Variants in PTPN21 observed in about 807,000 individuals in gnomAD.
PTPN21 encodes the protein tyrosine-protein phosphatase non-receptor type 21.
A neutral mutation model predicts 131.8 loss-of-function variants in PTPN21; 77 were observed. The ratio of observed to expected loss-of-function variants is 0.58; its 90% CI spans 0.49 to 0.71. The LOEUF (loss-of-function observed/expected upper bound fraction) is 0.71. Among genes scored for constraint, PTPN21 ranks in the 30% least tolerant of loss-of-function variants. The pLI is 0.00. For missense variants in PTPN21, 1,552 were observed against 1,527.1 expected, an observed-to-expected ratio of 1.02 and a Z score of -0.27; for synonymous variants, 715 against 621.3, an observed-to-expected ratio of 1.15 and a Z score of -2.24.
chr14:88,504,393 T>C, intron 6 of PTPN21, 32 bp downstream of exon 6: 1 of 1,426,642 alleles, frequency 7.0e-7, no homozygotes. Context: ...ATTGGTTCTA[T>C]GCTATTTCCA....
chr14:88,485,429 T>C (rs558460002), intron 11 of PTPN21, among the ~76,000 whole-genome samples: 1 of 152,174 alleles, frequency 6.6e-6, no homozygotes, highest in South Asian at 2.1e-4. Flanking sequence ...CAAGAAGCAA[T>C]AGATACACAT....
At chr14:88,527,048 C>T (rs1458319455) in intron 2 of PTPN21, among the ~76,000 whole-genome samples, 1 of 152,092 alleles carries the variant, frequency 6.6e-6, no homozygotes, top group Admixed American at 6.6e-5. Flanking sequence ...CCCTTATCCA[C>T]TAGTTGGTTG....
intron 2 of PTPN21, among the ~76,000 whole-genome samples, chr14:88,549,921 C>T (rs1343441386): frequency 6.6e-6 from 1 of 151,824 alleles, no homozygotes; most frequent in Non-Finnish European, 1.5e-5. Flanking sequence ...CGCCACCACA[C>T]CCTACAGGCG....
chr14:88,502,004 T>G (rs1465279780), intron 6 of PTPN21, among the ~76,000 whole-genome samples: 1 of 151,626 alleles, frequency 6.6e-6, no homozygotes, highest in African/African-American at 2.4e-5. Flanking sequence ...AACAACAAAA[T>G]ATGAGGCATT....
In PTPN21 at chr14:88,467,797, T is replaced by C. The variant is rs187995500; in HGVS notation, c.*340A>G. 3 of 237,898 alleles carry C rather than the reference T, an allele frequency of 1.3e-5. No individual in the cohort carries two copies. In the Admixed American group the frequency reaches 1.7e-4, roughly 14 times the overall value. 14.7% of individuals were successfully genotyped at this position (237,898 alleles called of 1,614,324 possible). Reference sequence around the variant, plus strand: ...TAAGATAGAAATCTATGCACTTTAATGATTGCCAGAATTGCCCAGCATAGC... The same window carrying C: ...TAAGATAGAAATCTATGCACTTTAACGATTGCCAGAATTGCCCAGCATAGC... On this transcript the variant is annotated 3_prime_UTR_variant, in exon 19 of 19. Transcript: ENST00000556564.
At chr14:88,541,216 TAC>T (rs1262117203) in intron 2 of PTPN21, among the ~76,000 whole-genome samples, 5 of 152,188 alleles carry the variant, frequency 3.3e-5, no homozygotes, top group Non-Finnish European at 7.4e-5. Context: ...ATTTGTGACA[TAC>T]ACAGTTTCTT....
chr14:88,476,324 A>C (rs1216424076), intron 13 of PTPN21, among the ~76,000 whole-genome samples: 1 of 152,182 alleles, frequency 6.6e-6, no homozygotes, highest in Non-Finnish European at 1.5e-5. Context: ...CCTCACAGTA[A>C]TGTTAATATT....
rs2077373467 is a variant in PTPN21 at position 88,466,931 on chromosome 14, A to G, written c.*1206T>C. On this transcript the variant is annotated 3_prime_UTR_variant, in exon 19 of 19. Coordinates refer to ENST00000556564, the MANE Select transcript of PTPN21 (RefSeq NM_007039.4). ...CCTCTTTAAGGCTTCTTTTAATGATACTATAATGCTGAATTTATTTATGAA... is the reference window on the plus strand; with the variant it reads ...CCTCTTTAAGGCTTCTTTTAATGATGCTATAATGCTGAATTTATTTATGAA... 1 of 152,138 alleles carries G rather than the reference A, an allele frequency of 6.6e-6. No individual in the cohort carries two copies. Among genetic ancestry groups the G allele is most frequent in the Non-Finnish European group, 1.5e-5 (1 of 68,030 alleles). 9.4% of individuals were successfully genotyped at this position (152,138 alleles called of 1,614,324 possible).
At chr14:88,475,630 TAAC>T (rs2077538060) in intron 13 of PTPN21, among the ~76,000 whole-genome samples, 1 of 152,238 alleles carries the variant, frequency 6.6e-6, no homozygotes, top group Non-Finnish European at 1.5e-5. Context: ...TGGTAATATT[TAAC>T]AACAGGCTCT....
rs537125520 is a variant in PTPN21, at chr14:88,474,292, A to G, written c.2512-490T>C. On this transcript the variant is annotated intron_variant, in intron 13 of 18. Transcript: ENST00000556564. ...CACTGCAGCCTCAACCTCCAGTCTC[A>G]AGCAATCCCACCTGAACCTCCCGAG... is the stretch of plus-strand genomic sequence containing the variant. 8.6e-5 allele frequency among the ~76,000 whole-genome samples: 13 copies of G among 151,942 alleles called. No individual in the cohort carries two copies. The East Asian group carries it at 1.4e-3, about 16-fold the overall frequency.
chr14:88,474,940 A>G (rs1001195262), intron 13 of PTPN21, among the ~76,000 whole-genome samples: 1 of 152,122 alleles, frequency 6.6e-6, no homozygotes, highest in Admixed American at 6.5e-5. Context: ...AAAAATACAA[A>G]AATTAGCTGG....
intron 2 of PTPN21, among the ~76,000 whole-genome samples, chr14:88,542,852 G>A (rs540687719): frequency 4.6e-5 from 7 of 152,226 alleles, no homozygotes; most frequent in African/African-American, 7.2e-5. Flanking sequence ...TGCTTCAGAC[G>A]GTCCAATAGC....
At chr14:88,486,469 A>T (rs945332105) in intron 10 of PTPN21, among the ~76,000 whole-genome samples, 4 of 152,184 alleles carry the variant, frequency 2.6e-5, no homozygotes, top group Non-Finnish European at 4.4e-5. Context: ...TCTTGGGCCC[A>T]GGAGTTCAAG....
intron 15 of PTPN21, among the ~76,000 whole-genome samples, chr14:88,470,652 C>G (rs998847553): frequency 6.6e-6 from 1 of 152,254 alleles, no homozygotes; most frequent in Non-Finnish European, 1.5e-5. Context: ...CAAACACTCA[C>G]TAAACGTAAA....
chr14:88,517,647 T>C (rs957042721), intron 2 of PTPN21, among the ~76,000 whole-genome samples: 14 of 146,618 alleles, frequency 9.5e-5, no homozygotes, highest in Non-Finnish European at 1.4e-4. Flanking sequence ...ATTTATCATA[T>C]ATATGTATAT....
At chr14:88,537,878 T>C (rs1321051015) in intron 2 of PTPN21, among the ~76,000 whole-genome samples, 2 of 152,190 alleles carry the variant, frequency 1.3e-5, no homozygotes, top group African/African-American at 4.8e-5. Flanking sequence ...GTACAGCACA[T>C]TACTGTAGTG....
At chr14:88,539,905 C>T (rs1384273359) in intron 2 of PTPN21, among the ~76,000 whole-genome samples, 1 of 152,004 alleles carries the variant, frequency 6.6e-6, no homozygotes, top group Non-Finnish European at 1.5e-5. Context: ...ATAAATTTGA[C>T]TTCAAAATAG....
chr14:88,548,269 C>T lies in PTPN21; in HGVS notation c.180+1969G>A, dbSNP rs576199141. Among the ~76,000 whole-genome samples, 3 of 152,284 alleles carry T rather than the reference C, an allele frequency of 2.0e-5. 1 individual carries two copies. Among genetic ancestry groups the T allele is most frequent in the African/African-American group, 7.2e-5 (3 of 41,548 alleles). On this transcript the variant is annotated intron_variant, in intron 2 of 18. Transcript: ENST00000556564. ...CTGTTTACACCCTTCATTAACTTCC[C>T]CACTACCCTCAGGATAAATCTAAAT...
intron 3 of PTPN21, among the ~76,000 whole-genome samples, chr14:88,509,255 T>C (rs1173894781): frequency 2.6e-5 from 4 of 152,182 alleles, no homozygotes; most frequent in African/African-American, 9.6e-5. Context: ...GGGGATACCG[T>C]ACTAAATGGA....
Sources: allele counts gnomAD v4.1 joint callset (sites outside exome capture counted in the v4.1 genomes callset), GRCh38; gene constraint gnomAD v4.1.1; transcripts MANE v1.5; gene names NCBI Gene and HGNC (gene_info 2026-07-23, HGNC 2026-07-21).